Variants in SLC4A2 observed in about 807,000 individuals in gnomAD.
The protein encoded by SLC4A2 is anion exchange protein 2.
In SLC4A2, 36 loss-of-function variants were observed where a neutral mutation model predicts 115.0. That is an observed-to-expected ratio of 0.31 (90% CI 0.24 to 0.41). SLC4A2 has a LOEUF of 0.41. Ranked by LOEUF, SLC4A2 falls within the 10% of genes least tolerant of loss-of-function variation. SLC4A2 has a pLI of 1.00. For synonymous variants in SLC4A2, 708 were observed against 708.3 expected, an observed-to-expected ratio of 1.00 and a Z score of 0.01; for missense variants, 1,252 against 1,705.6, an observed-to-expected ratio of 0.73 and a Z score of 4.68.
At chr7:151,069,574 A>G (rs1470261944) in intron 8 of SLC4A2, among the ~76,000 whole-genome samples, 1 of 152,144 alleles carries the variant, frequency 6.6e-6, no homozygotes, top group Non-Finnish European at 1.5e-5. Flanking sequence ...TGGCTCACTT[A>G]GAGGAGAGTT....
chr7:151,064,649 C>G lies in SLC4A2; in HGVS notation c.341C>G (p.Pro114Arg), dbSNP rs200121811. Residue 114 changes from proline (P) to arginine (R), a missense_variant, in exon 4 of 23, where the codon CCG becomes CGG. Pro to Arg is a moderately radical substitution (Grantham distance 103). Transcript: ENST00000413384. ...CCTCGAAGGCGCCCGGGAGCCTCCC[C>G]GACTGGAGAAACCCCGACCATTGAG... ...RKPRRRPGAS[P>R]TGETPTIEEG... 6.2e-7 allele frequency: 1 copy of G among 1,613,766 alleles called. No individual in the cohort carries two copies. Among genetic ancestry groups the G allele is most frequent in the African/African-American group, 1.3e-5 (1 of 75,038 alleles).
At chr7:151,076,258 C>T in intron 22 of SLC4A2, 29 bp from the exon 23 acceptor site, 1 of 1,583,884 alleles carries the variant, frequency 6.3e-7, no homozygotes, top group Non-Finnish European at 8.6e-7. Context: ...CCCCACTTCC[C>T]TTCTTGACCG....
chr7:151,062,431 C>T (rs1797080615), intron 2 of SLC4A2: 3 of 982,504 alleles, frequency 3.1e-6, no homozygotes, highest in Non-Finnish European at 4.2e-6. Context: ...ACGCCCCCTG[C>T]CCACGTGCCA....
intron 2 of SLC4A2, chr7:151,063,039 G>C: frequency 1.4e-6 from 2 of 1,476,108 alleles, no homozygotes; most frequent in South Asian, 1.3e-5. Flanking sequence ...ATTTGGCGGC[G>C]CCTGGAGCTG....
chr7:151,067,383 G>T (rs1357216339), intron 7 of SLC4A2, among the ~76,000 whole-genome samples: 1 of 152,192 alleles, frequency 6.6e-6, no homozygotes, highest in Non-Finnish European at 1.5e-5. Flanking sequence ...GCCGCGCCGG[G>T]CCCAGGGATG....
At position 151,074,032 on chromosome 7, in the gene SLC4A2, TC is replaced by T; in HGVS notation, c.2536-3del. On this transcript the variant is annotated splice_region_variant and splice_polypyrimidine_tract_variant and intron_variant, in intron 16 of 22. Coordinates refer to ENST00000413384, the MANE Select transcript of SLC4A2 (RefSeq NM_003040.4). ...CTGATGGAGGCCGTGTGGCCTCCTC[TC>T]CCCAGATCTTCCAGGAGCACCCCCT... 1 of 1,561,236 alleles carries T rather than the reference TC, an allele frequency of 6.4e-7. No individual in the cohort carries two copies. Among genetic ancestry groups the T allele is most frequent in the Admixed American group, 1.9e-5 (1 of 53,792 alleles).
At chr7:151,066,129 C>G (rs1045107087) in intron 5 of SLC4A2, among the ~76,000 whole-genome samples, 1 of 152,186 alleles carries the variant, frequency 6.6e-6, no homozygotes, top group African/African-American at 2.4e-5. Flanking sequence ...GGGATGAATG[C>G]TGACTGTCAG....
chr7:151,063,247 GC>G (rs1797116837), intron 2 of SLC4A2: 1 of 1,159,758 alleles, frequency 8.6e-7, no homozygotes, highest in Non-Finnish European at 1.1e-6. Context: ...CAGGGCTCGG[GC>G]CGGGGGCCTG....
chr7:151,076,277 C>T lies in SLC4A2; in HGVS notation c.3646-10C>T. ...ACTTCCCTTCTTGACCGCCACCTCCCCACACACAGCTGGATGCTAACGAGG... is the reference window on the plus strand; with the variant it reads ...ACTTCCCTTCTTGACCGCCACCTCCTCACACACAGCTGGATGCTAACGAGG... On this transcript the variant is annotated splice_polypyrimidine_tract_variant and intron_variant, in intron 22 of 22. Coordinates refer to ENST00000413384, the MANE Select transcript of SLC4A2 (RefSeq NM_003040.4). The T allele has an allele frequency of 6.4e-7, 1 of 1,573,780 alleles. No individual in the cohort carries two copies. Among genetic ancestry groups the T allele is most frequent in the Non-Finnish European group, 8.6e-7 (1 of 1,157,622 alleles).
rs936387404 is a variant in SLC4A2 at position 151,060,725 on chromosome 7, C to A, written c.-64+963C>A. Among the ~76,000 whole-genome samples, 2 of 152,196 alleles carry A rather than the reference C, an allele frequency of 1.3e-5. No homozygotes were observed. Among genetic ancestry groups the A allele is most frequent in the Non-Finnish European group, 2.9e-5 (2 of 68,024 alleles). The stretch of plus-strand genomic sequence containing the variant: ...CTGGGTGCACTCACGCTCACCCACA[C>A]CACCCGCCCTGGCTGAAGGCCTGCT... On this transcript the variant is annotated intron_variant, in intron 1 of 22. Coordinates refer to ENST00000413384, the MANE Select transcript of SLC4A2 (RefSeq NM_003040.4). This position sits in a 1 kb window ranked among gnomAD's most constrained non-coding sequence, Gnocchi z 5.9.
chr7:151,074,555 C>T, intron 18 of SLC4A2, 67 bp downstream of exon 18: 1 of 1,595,160 alleles, frequency 6.3e-7, no homozygotes, highest in Non-Finnish European at 8.6e-7. Context: ...TGTTCCCCTC[C>T]AGCCTCCAAA....
rs972195321 is a variant in SLC4A2, at chr7:151,072,219, T to C, written c.2535+83T>C. The C allele has an allele frequency of 3.9e-6, 5 of 1,280,350 alleles. No homozygotes were observed. The Admixed American group carries it at 9.3e-5, about 24-fold the overall frequency. 79.3% of individuals were successfully genotyped at this position (1,280,350 alleles called of 1,614,324 possible). On this transcript the variant is annotated intron_variant, in intron 16 of 22. Coordinates refer to ENST00000413384, the MANE Select transcript of SLC4A2 (RefSeq NM_003040.4). ...GAGTCTCTTGGTCCCATCCTCTGGA[T>C]TTGAGGCCAGGCTGGTCTGGAGCAT...
chr7:151,061,655 C>T (rs763311256), intron 1 of SLC4A2: 14 of 355,956 alleles, frequency 3.9e-5, no homozygotes, highest in Non-Finnish European at 7.3e-5. Context: ...CTTTCTCCCT[C>T]ATTTTTCTTG....
Position 151,062,974 on chromosome 7 carries a change from A to T in SLC4A2, c.51+936A>T. On this transcript the variant is annotated intron_variant, in intron 2 of 22. Coordinates refer to ENST00000413384, the MANE Select transcript of SLC4A2 (RefSeq NM_003040.4). ...GGCACCGCTATGGAGGGGGCTGCAT[A>T]CCCCCGCCCTTGGAGATCCCGATGC... 4.3e-6 allele frequency: 6 copies of T among 1,409,074 alleles called. No individual in the cohort carries two copies. The South Asian group carries it at 7.6e-5, about 18-fold the overall frequency. 87.3% of individuals were successfully genotyped at this position (1,409,074 alleles called of 1,614,324 possible).
chr7:151,068,161 A>G, intron 8 of SLC4A2, 107 bp downstream of exon 8: 1 of 851,788 alleles, frequency 1.2e-6, no homozygotes, highest in Non-Finnish European at 1.7e-6. Flanking sequence ...CCCAGAGCCC[A>G]GAGGAAGCAT....
chr7:151,071,357 G>T lies in SLC4A2; in HGVS notation c.1976-33G>T. 6.4e-7 allele frequency: 1 copy of T among 1,556,628 alleles called. No homozygotes were observed. Among genetic ancestry groups the T allele is most frequent in the Non-Finnish European group, 8.7e-7 (1 of 1,155,300 alleles). On this transcript the variant is annotated intron_variant, in intron 13 of 22. Coordinates refer to ENST00000413384, the MANE Select transcript of SLC4A2 (RefSeq NM_003040.4). The surrounding 1 kb of genome is among the most constrained non-coding windows in gnomAD (Gnocchi z 5.5). ...CGAGGGGGTGAGGTGGGCAAGAGGG[G>T]CTGGGGCGCCCTGACGGAGGCCTGG...
In SLC4A2 at chr7:151,075,349, C is replaced by A. The variant is rs1214356461; in HGVS notation, c.3142C>A (p.Leu1048Ile). Reference protein sequence around the residue: ...LIVAMGGICALFGLPWLAAAT... With the variant: ...LIVAMGGICAIFGLPWLAAAT... ...CGTGGCCATGGGCGGCATCTGTGCC[C>A]TCTTTGGCCTGCCCTGGTTGGCTGC... The change falls in exon 20 of 23, where the codon CTC (leucine) becomes ATC (isoleucine). Residue 1048 changes from leucine to isoleucine, a missense_variant. Around this residue, in one of 14 missense-constraint regions of SLC4A2, gnomAD observed 253 missense variants for 407.4 expected, o/e 0.62. Transcript: ENST00000413384. The A allele has an allele frequency of 1.2e-6, 2 of 1,612,972 alleles. No individual in the cohort carries two copies. The highest frequency in any genetic ancestry group is 1.7e-5 in the Admixed American group (1 of 60,032).
In SLC4A2 at chr7:151,072,050, C is replaced by G; in HGVS notation, c.2449C>G (p.Arg817Gly). The change falls in exon 16 of 23, where the codon CGC becomes GGC. Residue 817 changes from arginine to glycine, a missense_variant. Coordinates refer to ENST00000413384, the MANE Select transcript of SLC4A2 (RefSeq NM_003040.4). ...GGCCCTGGAGGGGAGCTTCCTGGTC[C>G]GCTTCGTCTCCCGCTTCACCCAGGA... ...MVALEGSFLVRFVSRFTQEIF... is the reference protein window; with the variant it reads ...MVALEGSFLVGFVSRFTQEIF... The G allele has an allele frequency of 6.2e-7, 1 of 1,614,090 alleles. No individual in the cohort carries two copies. The highest frequency in any genetic ancestry group is 1.1e-5 in the South Asian group (1 of 91,076).
At position 151,074,057 on chromosome 7, in the gene SLC4A2, C is replaced by A; in HGVS notation, c.2554C>A (p.Leu852Met). ...TCCCCAGATCTTCCAGGAGCACCCC[C>A]TGCATGGCTGCTCAGCCTCCAACAG... is the stretch of plus-strand genomic sequence containing the variant. The part of the protein sequence containing the change: ...KLVKIFQEHP[L>M]HGCSASNSSE... The change falls in exon 17 of 23, where the codon CTG (leucine) becomes ATG (methionine). Residue 852 changes from leucine (L) to methionine (M), a missense_variant. By Grantham distance (15) the Leu-to-Met change is conservative. This residue lies in a region of SLC4A2 where 118 missense variants were observed against 203.3 expected (regional missense o/e 0.58). Transcript: ENST00000413384. The A allele has an allele frequency of 6.3e-7, 1 of 1,591,308 alleles. No homozygotes were observed. Among genetic ancestry groups the A allele is most frequent in the South Asian group, 1.1e-5 (1 of 89,840 alleles).
Sources: gnomAD v4.1 joint callset for allele counts (sites outside exome capture counted in the v4.1 genomes callset) on GRCh38, gnomAD v4.1.1 for gene constraint, gnomAD v4.1.1 regional missense constraint, Gnocchi (gnomAD v3.1) non-coding constraint, MANE v1.5 for transcripts, NCBI Gene and HGNC (gene_info 2026-07-23, HGNC 2026-07-21) for gene names.